CDC42BPA: variants seen among roughly 807,000 people sequenced by gnomAD.
CDC42BPA encodes the protein serine/threonine-protein kinase MRCK alpha.
A neutral mutation model predicts 223.5 loss-of-function variants in CDC42BPA; 80 were observed. That is an observed-to-expected ratio of 0.36 (90% CI 0.30 to 0.43). The LOEUF is 0.43. CDC42BPA is among the 20% of genes least tolerant of loss of function. The probability of loss-of-function intolerance (pLI) is 1.00; values close to 1 mark genes in which losing one functional copy is unlikely to be tolerated. For synonymous variants in CDC42BPA, 694 were observed against 718.6 expected (o/e 0.97, Z 0.55); for missense variants, 1,743 against 2,099.9 (o/e 0.83, Z 3.32).
chr1:227,137,010 T>G (rs1571901824), intron 10 of CDC42BPA, among the ~76,000 whole-genome samples: 1 of 152,174 alleles, frequency 6.6e-6, no homozygotes, highest in East Asian at 1.9e-4. Flanking sequence ...ATACTTAAAA[T>G]TAATGAGTAA....
At chr1:227,275,056 G>A (rs1686684452) in intron 1 of CDC42BPA, among the ~76,000 whole-genome samples, 1 of 147,972 alleles carries the variant, frequency 6.8e-6, no homozygotes, top group African/African-American at 2.5e-5. Context: ...CCTGAATCTA[G>A]TAGACACAAA....
intron 34 of CDC42BPA, among the ~76,000 whole-genome samples, chr1:227,014,794 A>G (rs1665885364): frequency 1.3e-5 from 2 of 152,190 alleles, no homozygotes; most frequent in Admixed American, 6.5e-5. Flanking sequence ...TTTAGCAGCT[A>G]TCACTACCAA....
At chr1:227,024,889 T>C (rs1298024459) in intron 31 of CDC42BPA, among the ~76,000 whole-genome samples, 1 of 152,362 alleles carries the variant, frequency 6.6e-6, no homozygotes, top group Non-Finnish European at 1.5e-5. Context: ...CAGTTTATTA[T>C]TATCTTTCAC....
chr1:227,114,397 T>C (rs1687445781), intron 12 of CDC42BPA, among the ~76,000 whole-genome samples: 1 of 149,536 alleles, frequency 6.7e-6, no homozygotes, highest in African/African-American at 2.5e-5. Context: ...TAAACAAAAC[T>C]GACAGAGCTT....
intron 31 of CDC42BPA, 120 bp downstream of exon 31, chr1:227,025,935 C>T: frequency 1.6e-6 from 1 of 610,508 alleles, no homozygotes; most frequent in Admixed American, 3.5e-5. Context: ...AGCTAAGTCC[C>T]AAACTGCCAA....
At chr1:227,256,147 G>A (rs982743306) in intron 1 of CDC42BPA, among the ~76,000 whole-genome samples, 4 of 152,122 alleles carry the variant, frequency 2.6e-5, no homozygotes, top group African/African-American at 9.7e-5. Context: ...AATGAAAAAA[G>A]AATGAGTTCA....
chr1:227,168,793 G>A lies in CDC42BPA; in HGVS notation c.600-8157C>T, dbSNP rs1352073630. The stretch of plus-strand genomic sequence containing the variant: ...ATTACAGGCGTGAGCCACTGCACTC[G>A]GCCCCCTGGTGTTTCTTGAGCATCT... On this transcript the variant is annotated intron_variant, in intron 5 of 36. Coordinates refer to ENST00000366766, the MANE Select transcript of CDC42BPA (RefSeq NM_001394014.1). 1.6e-4 allele frequency among the ~76,000 whole-genome samples: 24 copies of A among 152,100 alleles called. 1 individual carries two copies. The highest frequency in any genetic ancestry group is 1.2e-3 in the East Asian group (6 of 5,166).
intron 6 of CDC42BPA, among the ~76,000 whole-genome samples, chr1:227,159,223 A>T (rs572349844): frequency 4.6e-4 from 70 of 152,162 alleles, no homozygotes; most frequent in Non-Finnish European, 9.8e-4. Context: ...ACGGTGGCTC[A>T]CGCCTGTAAT....
chr1:227,304,502 T>G (rs545410000), intron 1 of CDC42BPA, among the ~76,000 whole-genome samples: 1 of 152,218 alleles, frequency 6.6e-6, no homozygotes, highest in East Asian at 1.9e-4. Flanking sequence ...AAAAAATTAC[T>G]TTGAAATAAA....
chr1:227,087,430 G>A (rs1187292872), intron 16 of CDC42BPA, among the ~76,000 whole-genome samples: 1 of 152,132 alleles, frequency 6.6e-6, no homozygotes. Context: ...TTTGATTACT[G>A]CATTTTTATA....
chr1:227,113,059 A>G, intron 12 of CDC42BPA, 146 bp from the exon 13 acceptor site: 2 of 711,718 alleles, frequency 2.8e-6, no homozygotes, highest in Non-Finnish European at 4.7e-6. Context: ...TTCTGAACAG[A>G]TATTAACGGC....
At chr1:227,000,975 G>T (rs1662699881) in intron 35 of CDC42BPA, among the ~76,000 whole-genome samples, 1 of 152,126 alleles carries the variant, frequency 6.6e-6, no homozygotes, top group Non-Finnish European at 1.5e-5. Flanking sequence ...TCTTGGGGAT[G>T]AGCAATATCC....
chr1:227,006,268 T>C (rs1664023996), intron 34 of CDC42BPA, among the ~76,000 whole-genome samples: 1 of 152,230 alleles, frequency 6.6e-6, no homozygotes, highest in Non-Finnish European at 1.5e-5. Flanking sequence ...GCTACAAAAA[T>C]GATGGTAATC....
intron 35 of CDC42BPA, among the ~76,000 whole-genome samples, chr1:226,995,592 C>T (rs1167809534): frequency 1.3e-5 from 2 of 152,172 alleles, no homozygotes; most frequent in Admixed American, 1.3e-4. Context: ...AGTACTTTTA[C>T]TTCACAGGGC....
At chr1:227,055,353 A>C (rs1674338326) in intron 21 of CDC42BPA, among the ~76,000 whole-genome samples, 1 of 152,138 alleles carries the variant, frequency 6.6e-6, no homozygotes, top group Non-Finnish European at 1.5e-5. Flanking sequence ...AATTTTCAGG[A>C]AGTTACTAAT....
At chr1:227,006,308 T>G (rs548470262) in intron 34 of CDC42BPA, among the ~76,000 whole-genome samples, 2 of 152,324 alleles carry the variant, frequency 1.3e-5, no homozygotes, top group South Asian at 4.1e-4. Flanking sequence ...CAGCCTCTCC[T>G]TCATTGGCTG....
intron 34 of CDC42BPA, among the ~76,000 whole-genome samples, chr1:227,013,840 T>C (rs1160208757): frequency 6.6e-6 from 1 of 152,130 alleles, no homozygotes; most frequent in Non-Finnish European, 1.5e-5. Flanking sequence ...ATTTGTATCC[T>C]GCTACCCCTA....
rs1277670042 is a variant in CDC42BPA, at chr1:227,254,067, C to T, written c.267G>A (p.Gly89=). The change falls in exon 2 of 37, where the codon GGG becomes GGA. Residue 89 remains glycine (G), a synonymous_variant. Transcript: ENST00000366766. The part of the protein sequence containing the change: ...ILKVIGRGAF[G]EVAVVKLKNA... ...CTATCAAATCTTAATCTCTTACCTC[C>T]CCAAAAGCTCCTCGACCAATCACCT... 6.4e-7 allele frequency: 1 copy of T among 1,564,716 alleles called. No individual in the cohort carries two copies. Among genetic ancestry groups the T allele is most frequent in the East Asian group, 2.3e-5 (1 of 44,148 alleles).
chr1:227,040,884 T>C (rs1457427655), intron 23 of CDC42BPA, among the ~76,000 whole-genome samples: 2 of 152,182 alleles, frequency 1.3e-5, no homozygotes, highest in African/African-American at 2.4e-5. Flanking sequence ...GGTAAGCAAA[T>C]GTAGATTTTA....
Sources: gnomAD v4.1 joint callset for allele counts (sites outside exome capture counted in the v4.1 genomes callset) on GRCh38, gnomAD v4.1.1 for gene constraint, MANE v1.5 for transcripts, NCBI Gene and HGNC (gene_info 2026-07-23, HGNC 2026-07-21) for gene names.